PRRC2C: variants seen among roughly 807,000 people sequenced by gnomAD.
PRRC2C encodes the protein protein PRRC2C.
Under a neutral mutation model 317.2 loss-of-function variants are expected in PRRC2C, and 72 were observed. The observed-to-expected ratio is 0.23, with a 90% CI of 0.19 to 0.28. The LOEUF (loss-of-function observed/expected upper bound fraction) is 0.28. PRRC2C is among the 10% of genes least tolerant of loss of function. The pLI, the probability that PRRC2C is intolerant of heterozygous loss-of-function variation, is 1.00. For missense variants in PRRC2C, 3,074 were observed against 3,459.7 expected (o/e 0.89, Z 2.80); for synonymous variants, 1,296 against 1,205.9 (o/e 1.07, Z -1.55).
chr1:171,523,471 A>T lies in PRRC2C; in HGVS notation c.1004A>T (p.Asn335Ile). The T allele has an allele frequency of 6.2e-7, 1 of 1,612,814 alleles. No individual in the cohort carries two copies. The highest frequency in any genetic ancestry group is 1.9e-4 in the Middle Eastern group (1 of 5,234). ...QMEVDYTEQLNFSDDDEQGSN... is the reference protein window; with the variant it reads ...QMEVDYTEQLIFSDDDEQGSN... ...GAAGTAGATTATACAGAGCAACTGAATTTCAGTGATGATGATGAACAAGGA... is the reference window on the plus strand; with the variant it reads ...GAAGTAGATTATACAGAGCAACTGATTTTCAGTGATGATGATGAACAAGGA... Residue 335 changes from asparagine (N) to isoleucine (I), a missense_variant, in exon 9 of 35, where the codon AAT becomes ATT. Physicochemically the swap from Asn to Ile is moderately radical, Grantham distance 149. This residue lies in a region of PRRC2C where 50 missense variants were observed against 88.3 expected (regional missense o/e 0.57). Coordinates refer to ENST00000647382, the MANE Select transcript of PRRC2C (RefSeq NM_001387844.1).
At chr1:171,555,033 C>T (rs926633891) in intron 18 of PRRC2C, among the ~76,000 whole-genome samples, 1 of 152,200 alleles carries the variant, frequency 6.6e-6, no homozygotes, top group Non-Finnish European at 1.5e-5. Flanking sequence ...GGGAAGTTCT[C>T]CTGGATAATA....
chr1:171,504,413 A>T (rs1669793303), intron 1 of PRRC2C, among the ~76,000 whole-genome samples: 1 of 152,188 alleles, frequency 6.6e-6, no homozygotes, highest in African/African-American at 2.4e-5. Context: ...TTCAGGTTTT[A>T]CATTTTGTCT....
Position 171,589,390 on chromosome 1 carries a change from G to C in PRRC2C, c.8221G>C (p.Val2741Leu), listed in dbSNP as rs924352116. 3.7e-5 allele frequency: 48 copies of C among 1,286,100 alleles called. No individual in the cohort carries two copies. In the African/African-American group the frequency reaches 6.8e-4, roughly 18 times the overall value. The allele number at this position is 1,286,100 out of a possible 1,614,324, so 79.7% of individuals were successfully genotyped here. The part of the protein sequence containing the change: ...APQILSQPNL[V>L]PPLVRAPHTN... ...TCAGATTCTCTCCCAGCCTAACCTG[G>C]TCCCTCCATTGGTAAGAGCCCCACA... Residue 2741 changes from valine (V) to leucine (L), a missense_variant, in exon 34 of 35, where the codon GTC becomes CTC. Around this residue, in one of 11 missense-constraint regions of PRRC2C, gnomAD observed 490 missense variants for 663.1 expected, o/e 0.74. Coordinates refer to ENST00000647382, the MANE Select transcript of PRRC2C (RefSeq NM_001387844.1).
intron 10 of PRRC2C, among the ~76,000 whole-genome samples, chr1:171,525,438 C>T (rs965858439): frequency 2.1e-4 from 32 of 152,076 alleles, no homozygotes; most frequent in African/African-American, 7.5e-4. Flanking sequence ...TATTTGATCC[C>T]ACTTCTGAGA....
intron 18 of PRRC2C, among the ~76,000 whole-genome samples, chr1:171,556,771 C>T (rs1681515468): frequency 6.6e-6 from 1 of 152,142 alleles, no homozygotes; most frequent in African/African-American, 2.4e-5. Context: ...CAGAATGAAT[C>T]AAGGTAAATT....
chr1:171,559,854 C>A (rs1343061520), intron 19 of PRRC2C, among the ~76,000 whole-genome samples: 1 of 152,094 alleles, frequency 6.6e-6, no homozygotes, highest in Non-Finnish European at 1.5e-5. Flanking sequence ...CTGTTGAGAC[C>A]TACTGCTCAG....
At position 171,571,322 on chromosome 1, in the gene PRRC2C, GC is replaced by G; in HGVS notation, c.6658del (p.Leu2220CysfsTer19). ...ATATGTGTTGCCTACCTTTTCAGGTGCCCCTGCCCAACACCCTTCCCCTCCC... is the reference window on the plus strand; with the variant it reads ...ATATGTGTTGCCTACCTTTTCAGGTGCCCTGCCCAACACCCTTCCCCTCCC... ...KMEDTLVNNV[P>X]LPNTLPLPKR... On this transcript the variant is annotated frameshift_variant, in exon 24 of 35. Transcript: ENST00000647382. LOFTEE classifies it high-confidence loss of function. 2 of 1,592,982 alleles carry G rather than the reference GC, an allele frequency of 1.3e-6. No homozygotes were observed. Among genetic ancestry groups the G allele is most frequent in the Non-Finnish European group, 1.7e-6 (2 of 1,161,346 alleles).
intron 1 of PRRC2C, among the ~76,000 whole-genome samples, chr1:171,508,332 T>G (rs1670642022): frequency 6.6e-6 from 1 of 152,236 alleles, no homozygotes; most frequent in Non-Finnish European, 1.5e-5. Context: ...CCTGTTTTGT[T>G]GAGAGTTTTT....
chr1:171,591,562 C>A, intron 34 of PRRC2C, 25 bp from the exon 35 acceptor site: 1 of 1,605,384 alleles, frequency 6.2e-7, no homozygotes, highest in Non-Finnish European at 8.5e-7. Flanking sequence ...GCAGTATTTT[C>A]AGTTGTTCTT....
intron 15 of PRRC2C, among the ~76,000 whole-genome samples, chr1:171,538,429 A>G (rs12561801): frequency 6.6e-6 from 1 of 152,272 alleles, no homozygotes; most frequent in Non-Finnish European, 1.5e-5. Flanking sequence ...AAGGAGAAAT[A>G]CAATAATACA....
At chr1:171,528,501 CA>C (rs201857774) in intron 11 of PRRC2C, among the ~76,000 whole-genome samples, 4,249 of 152,034 alleles carry the variant, frequency 0.028, 205 homozygotes, top group African/African-American at 0.098. Context: ...CCGTGTTAGC[CA>C]GGACGGTCTC....
chr1:171,526,271 G>C (rs1479093037), intron 10 of PRRC2C, among the ~76,000 whole-genome samples: 1 of 152,170 alleles, frequency 6.6e-6, no homozygotes, highest in Non-Finnish European at 1.5e-5. Context: ...ATAAAATTTA[G>C]TAATTAGAGG....
At position 171,557,550 on chromosome 1, in the gene PRRC2C, C is replaced by G; in HGVS notation, c.5438C>G (p.Ala1813Gly). ...VPASPLAPVSASASVSASVPA... is the reference protein window; with the variant it reads ...VPASPLAPVSGSASVSASVPA... ...GCCTCACCCTTAGCTCCAGTTTCAG[C>G]CTCAGCCTCAGTCTCAGCTTCAGTT... Residue 1813 changes from alanine to glycine, a missense_variant, in exon 19 of 35, where the codon GCC becomes GGC. Transcript: ENST00000647382. 5 of 1,551,628 alleles carry G rather than the reference C, an allele frequency of 3.2e-6. No homozygotes were observed. The highest frequency in any genetic ancestry group is 3.5e-6 in the Non-Finnish European group (4 of 1,146,986).
Position 171,588,500 on chromosome 1 carries a change from C to G in PRRC2C, c.8194C>G (p.Pro2732Ala). 1 of 1,613,472 alleles carries G rather than the reference C, an allele frequency of 6.2e-7. No individual in the cohort carries two copies. The highest frequency in any genetic ancestry group is 8.5e-7 in the Non-Finnish European group (1 of 1,179,602). The change falls in exon 33 of 35, where the codon CCC becomes GCC. Residue 2732 changes from proline (P) to alanine (A), a missense_variant. This residue lies in a region of PRRC2C where 490 missense variants were observed against 663.1 expected (regional missense o/e 0.74). Transcript: ENST00000647382. ...MTQPFPTQFA[P>A]QILSQPNLVP... ...ACAACCATTTCCTACACAGTTTGCA[C>G]CCCAGGTGGGCAGACATAATTAAGA...
At chr1:171,580,069 A>T (rs1040925324) in intron 28 of PRRC2C, 105 bp downstream of exon 28, 2 of 1,060,206 alleles carry the variant, frequency 1.9e-6, no homozygotes, top group Non-Finnish European at 2.5e-6. Context: ...ACCTAGGATG[A>T]CTCTGCTATA....
At chr1:171,545,925 A>T (rs1012980281) in intron 17 of PRRC2C, among the ~76,000 whole-genome samples, 20 of 152,318 alleles carry the variant, frequency 1.3e-4, no homozygotes, top group African/African-American at 4.6e-4. Flanking sequence ...GTTAAAAATA[A>T]TCCAACAGCA....
At position 171,557,261 on chromosome 1, in the gene PRRC2C, A is replaced by C. The variant is rs1295072266; in HGVS notation, c.5149A>C (p.Asn1717His). The C allele has an allele frequency of 6.5e-7, 1 of 1,547,336 alleles. No individual in the cohort carries two copies. The highest frequency in any genetic ancestry group is 2.0e-5 in the Admixed American group (1 of 49,930). The change falls in exon 19 of 35, where the codon AAT (asparagine) becomes CAT (histidine). Residue 1717 changes from asparagine to histidine, a missense_variant. This residue lies in a region of PRRC2C where 640 missense variants were observed against 676.1 expected (regional missense o/e 0.95). Coordinates refer to ENST00000647382, the MANE Select transcript of PRRC2C (RefSeq NM_001387844.1). ...VIQVWNKKNANEKGRSQTSKL... is the reference protein window; with the variant it reads ...VIQVWNKKNAHEKGRSQTSKL... ...TAAGGTCTGGAACAAAAAGAATGCAAATGAAAAAGGAAGAAGCCAGACTTC... is the reference window on the plus strand; with the variant it reads ...TAAGGTCTGGAACAAAAAGAATGCACATGAAAAAGGAAGAAGCCAGACTTC...
intron 9 of PRRC2C, 59 bp from the exon 10 acceptor site, chr1:171,524,762 A>G (rs1015169376): frequency 6.9e-7 from 1 of 1,445,580 alleles, no homozygotes; most frequent in African/African-American, 1.4e-5. Flanking sequence ...TGCAAAAATA[A>G]TGTGTGTACT....
intron 32 of PRRC2C, 142 bp downstream of exon 32, chr1:171,587,893 A>C: frequency 1.7e-6 from 1 of 596,022 alleles, no homozygotes; most frequent in Non-Finnish European, 2.9e-6. Context: ...TTTGTCTAAA[A>C]TGTTAAGCTT....
Sources: allele counts gnomAD v4.1 joint callset (sites outside exome capture counted in the v4.1 genomes callset), GRCh38; gene constraint gnomAD v4.1.1; regional missense constraint gnomAD v4.1.1; transcripts MANE v1.5; gene names NCBI Gene and HGNC (gene_info 2026-07-23, HGNC 2026-07-21).